CHCHD6: variants seen among roughly 807,000 people sequenced by gnomAD.
CHCHD6 encodes coiled-coil-helix-coiled-coil-helix domain containing 6, also known as MICOS complex subunit MIC25.
A neutral mutation model predicts 32.3 loss-of-function variants in CHCHD6; 28 were observed. The ratio of observed to expected loss-of-function variants is 0.87; its 90% CI spans 0.64 to 1.19. CHCHD6 has a LOEUF of 1.19. CHCHD6 is among the 50% of genes most tolerant of loss of function. The probability of loss-of-function intolerance (pLI) is 0.00; values close to 1 mark genes in which losing one functional copy is unlikely to be tolerated. For missense variants in CHCHD6, 333 were observed against 307.0 expected (o/e 1.08, Z -0.63); for synonymous variants, 122 against 117.5 (o/e 1.04, Z -0.25).
intron 6 of CHCHD6, 158 bp from the exon 7 acceptor site, chr3:126,957,258 G>A: frequency 1.2e-6 from 1 of 822,092 alleles, no homozygotes; most frequent in Admixed American, 2.3e-5. Flanking sequence ...TTCTAGAACG[G>A]GAAAGCACAG....
intron 4 of CHCHD6, among the ~76,000 whole-genome samples, chr3:126,770,607 A>G (rs1327503384): frequency 6.6e-6 from 1 of 152,128 alleles, no homozygotes; most frequent in African/African-American, 2.4e-5. Context: ...TTTTTAGTTC[A>G]GTGAATGGGT....
chr3:126,848,803 T>C (rs1210741737), intron 4 of CHCHD6, among the ~76,000 whole-genome samples: 1 of 152,250 alleles, frequency 6.6e-6, no homozygotes, highest in Non-Finnish European at 1.5e-5. Flanking sequence ...CTTTGTCATA[T>C]TGTCCTATAA....
At chr3:126,775,734 C>T (rs1937627476) in intron 4 of CHCHD6, among the ~76,000 whole-genome samples, 1 of 152,160 alleles carries the variant, frequency 6.6e-6, no homozygotes, top group Non-Finnish European at 1.5e-5. Flanking sequence ...ATGGCTGAGA[C>T]TTTTATCTTC....
At chr3:126,762,630 AT>A (rs1937204874) in intron 4 of CHCHD6, among the ~76,000 whole-genome samples, 1 of 152,144 alleles carries the variant, frequency 6.6e-6, no homozygotes, top group Non-Finnish European at 1.5e-5. Context: ...CTGTTTTCTT[AT>A]TAATCTGTCA....
At chr3:126,827,613 A>G (rs75300948) in intron 4 of CHCHD6, among the ~76,000 whole-genome samples, 1,814 of 152,252 alleles carry the variant, frequency 0.012, 19 homozygotes, top group Middle Eastern at 0.048. Context: ...GGGCTCTGAC[A>G]TGGAGAACCT....
intron 4 of CHCHD6, among the ~76,000 whole-genome samples, chr3:126,851,602 T>C (rs898155392): frequency 6.6e-5 from 10 of 152,212 alleles, no homozygotes. Flanking sequence ...TGTGACTGTC[T>C]CCATCCTGAC....
At chr3:126,905,401 G>A (rs1350785177) in intron 5 of CHCHD6, among the ~76,000 whole-genome samples, 1 of 152,196 alleles carries the variant, frequency 6.6e-6, no homozygotes, top group Non-Finnish European at 1.5e-5. Context: ...GGTAGATAGG[G>A]AAGAATTAGC....
intron 4 of CHCHD6, among the ~76,000 whole-genome samples, chr3:126,785,679 A>G (rs571311465): frequency 1.3e-5 from 2 of 152,358 alleles, no homozygotes; most frequent in East Asian, 3.9e-4. Flanking sequence ...CATGTTTTAC[A>G]GCCGTATCAC....
chr3:126,767,151 A>G, intron 4 of CHCHD6: 2 of 1,589,510 alleles, frequency 1.3e-6, no homozygotes, highest in Non-Finnish European at 1.7e-6. Flanking sequence ...CACCCAAAGG[A>G]ATAGAGGTTT....
chr3:126,911,104 A>T (rs1467699426), intron 5 of CHCHD6, among the ~76,000 whole-genome samples: 1 of 152,256 alleles, frequency 6.6e-6, no homozygotes, highest in Non-Finnish European at 1.5e-5. Flanking sequence ...ATTGGCTCCC[A>T]GGAAGTCAGT....
At chr3:126,881,641 A>T (rs2077611593) in intron 5 of CHCHD6, among the ~76,000 whole-genome samples, 2 of 152,152 alleles carry the variant, frequency 1.3e-5, no homozygotes, top group South Asian at 4.1e-4. Context: ...CCCCAGAGTT[A>T]GTGCTGAGGG....
intron 6 of CHCHD6, among the ~76,000 whole-genome samples, chr3:126,925,486 C>T (rs569201647): frequency 6.6e-6 from 1 of 152,340 alleles, no homozygotes; most frequent in African/African-American, 2.4e-5. Flanking sequence ...GTACAGCGCT[C>T]ATCTTCCTGT....
At chr3:126,797,214 G>A (rs959154407) in intron 4 of CHCHD6, among the ~76,000 whole-genome samples, 3 of 152,210 alleles carry the variant, frequency 2.0e-5, no homozygotes, top group Non-Finnish European at 4.4e-5. Flanking sequence ...GCATGTGGAA[G>A]CATTCTGTGT....
intron 1 of CHCHD6, among the ~76,000 whole-genome samples, chr3:126,707,003 A>T (rs1220879153): frequency 6.6e-6 from 1 of 152,184 alleles, no homozygotes. Flanking sequence ...GTGGTGGCTC[A>T]TGCCTGTAAT....
intron 6 of CHCHD6, among the ~76,000 whole-genome samples, chr3:126,928,271 A>G (rs945014430): frequency 3.9e-5 from 6 of 152,244 alleles, no homozygotes; most frequent in African/African-American, 2.4e-5. Context: ...AAGCATATCC[A>G]TCTTACCAGA....
intron 5 of CHCHD6, among the ~76,000 whole-genome samples, chr3:126,904,076 A>G (rs1319171193): frequency 6.6e-6 from 1 of 152,128 alleles, no homozygotes; most frequent in Non-Finnish European, 1.5e-5. Flanking sequence ...TCTTCCATGA[A>G]GTTTTTCTTG....
At chr3:126,862,453 T>G (rs1181806872) in intron 5 of CHCHD6, among the ~76,000 whole-genome samples, 1 of 102,124 alleles carries the variant, frequency 9.8e-6, no homozygotes, top group Non-Finnish European at 2.0e-5. Context: ...CATCACCACC[T>G]CCTCCTCCAC....
chr3:126,753,783 G>A (rs1002915364), intron 4 of CHCHD6, among the ~76,000 whole-genome samples: 1 of 152,214 alleles, frequency 6.6e-6, no homozygotes, highest in African/African-American at 2.4e-5. Context: ...TCCAGCACGA[G>A]TCTGGGTGGC....
chr3:126,827,513 C>T (rs1940449068), intron 4 of CHCHD6, among the ~76,000 whole-genome samples: 1 of 152,122 alleles, frequency 6.6e-6, no homozygotes. Flanking sequence ...TGCAGCAGCC[C>T]TAGGGTGCCT....
Sources: allele counts gnomAD v4.1 joint callset (sites outside exome capture counted in the v4.1 genomes callset), GRCh38; gene constraint gnomAD v4.1.1; transcripts MANE v1.5; gene names NCBI Gene and HGNC (gene_info 2026-07-23, HGNC 2026-07-21).